GNG12: variants seen among roughly 807,000 people sequenced by gnomAD.
The protein encoded by GNG12 is guanine nucleotide-binding protein G(I)/G(S)/G(O) subunit gamma-12.
For missense variants in GNG12, 69 were observed against 83.8 expected (o/e 0.82, Z 0.69); for synonymous variants, 28 against 29.7 (o/e 0.94, Z 0.19).
intron 2 of GNG12, among the ~76,000 whole-genome samples, chr1:67,749,593 C>T (rs1350360689): frequency 1.3e-5 from 2 of 152,120 alleles, no homozygotes; most frequent in Non-Finnish European, 2.9e-5. Context: ...GATTGCTGCC[C>T]CCAGGAAGCA....
intron 2 of GNG12, among the ~76,000 whole-genome samples, chr1:67,745,465 G>A (rs1005695660): frequency 6.6e-6 from 1 of 152,214 alleles, no homozygotes; most frequent in Admixed American, 6.5e-5. Context: ...GCATTGGGAA[G>A]GAAAGTGCCC....
intron 2 of GNG12, among the ~76,000 whole-genome samples, chr1:67,770,032 T>TA (rs1339213974): frequency 2.6e-5 from 4 of 152,062 alleles, no homozygotes; most frequent in Non-Finnish European, 5.9e-5. Flanking sequence ...TTTAGAGTGT[T>TA]AAAAGAAGGG....
intron 2 of GNG12, among the ~76,000 whole-genome samples, chr1:67,752,247 A>G (rs758864101): frequency 1.3e-5 from 2 of 152,192 alleles, no homozygotes; most frequent in Non-Finnish European, 2.9e-5. Flanking sequence ...TAAGTACCCC[A>G]TATTCATCTT....
At chr1:67,789,124 G>A (rs1342220262) in intron 1 of GNG12, among the ~76,000 whole-genome samples, 1 of 152,142 alleles carries the variant, frequency 6.6e-6, no homozygotes, top group Non-Finnish European at 1.5e-5. Flanking sequence ...AATAAAATAG[G>A]CGACATGGCC....
At chr1:67,737,694 A>G (rs573845722) in intron 2 of GNG12, among the ~76,000 whole-genome samples, 1 of 152,276 alleles carries the variant, frequency 6.6e-6, no homozygotes, top group East Asian at 1.9e-4. Context: ...TTATGAAAAT[A>G]CATAATAACA....
At chr1:67,793,249 A>C (rs767305724) in intron 1 of GNG12, among the ~76,000 whole-genome samples, 50 of 152,206 alleles carry the variant, frequency 3.3e-4, no homozygotes, top group Non-Finnish European at 3.4e-4. Context: ...CTTAGTTCAA[A>C]GATCTGGTCA....
intron 2 of GNG12, among the ~76,000 whole-genome samples, chr1:67,729,235 A>G (rs1646405113): frequency 6.6e-6 from 1 of 152,058 alleles, no homozygotes; most frequent in Non-Finnish European, 1.5e-5. Flanking sequence ...ATCCACCTCC[A>G]AGGGCTTGCA....
At chr1:67,751,578 TG>T (rs1290676449) in intron 2 of GNG12, among the ~76,000 whole-genome samples, 1 of 152,130 alleles carries the variant, frequency 6.6e-6, no homozygotes, top group Non-Finnish European at 1.5e-5. Context: ...TTGCTGTGTT[TG>T]GGGTCTTGAG....
chr1:67,707,762 T>C (rs1646258318), intron 2 of GNG12, 50 bp from the exon 3 acceptor site: 6 of 855,270 alleles, frequency 7.0e-6, no homozygotes, highest in African/African-American at 1.7e-5. Flanking sequence ...TTAAGTTATT[T>C]AAACATTCAT....
chr1:67,725,383 C>T (rs1168210289), intron 2 of GNG12, among the ~76,000 whole-genome samples: 1 of 152,204 alleles, frequency 6.6e-6, no homozygotes, highest in Non-Finnish European at 1.5e-5. Context: ...GGAAACATGT[C>T]TGTCAAACAT....
At chr1:67,736,849 G>A (rs1646455360) in intron 2 of GNG12, among the ~76,000 whole-genome samples, 1 of 152,214 alleles carries the variant, frequency 6.6e-6, no homozygotes, top group African/African-American at 2.4e-5. Context: ...TAAGATGAGA[G>A]GGACCCACCT....
At chr1:67,824,294 G>A (rs1646999300) in intron 1 of GNG12, among the ~76,000 whole-genome samples, 1 of 152,078 alleles carries the variant, frequency 6.6e-6, no homozygotes, top group African/African-American at 2.4e-5. Flanking sequence ...CAGATTGCTT[G>A]AGTCTAGGAG....
chr1:67,781,250 C>T (rs532921572), intron 1 of GNG12, among the ~76,000 whole-genome samples: 1 of 152,304 alleles, frequency 6.6e-6, no homozygotes, highest in African/African-American at 2.4e-5. Flanking sequence ...ACTAGCTTCC[C>T]ATGTGCATGG....
At chr1:67,796,938 C>A (rs1646834626) in intron 1 of GNG12, among the ~76,000 whole-genome samples, 1 of 152,132 alleles carries the variant, frequency 6.6e-6, no homozygotes, top group Non-Finnish European at 1.5e-5. Flanking sequence ...ACTTGGTGAG[C>A]CAGACAGCAA....
At chr1:67,774,836 T>C (rs998048942) in intron 2 of GNG12, among the ~76,000 whole-genome samples, 3 of 152,198 alleles carry the variant, frequency 2.0e-5, no homozygotes, top group African/African-American at 4.8e-5. Context: ...ACCAGGCATT[T>C]TGAAGAGGAA....
intron 1 of GNG12, chr1:67,832,277 G>A (rs1441127026): frequency 4.6e-5 from 7 of 152,134 alleles, no homozygotes; most frequent in Non-Finnish European, 7.3e-5. Context: ...TCTACCTCTG[G>A]TGTTCAGAGA....
intron 2 of GNG12, among the ~76,000 whole-genome samples, chr1:67,750,577 T>C (rs966650809): frequency 3.9e-5 from 6 of 152,178 alleles, no homozygotes; most frequent in African/African-American, 1.4e-4. Context: ...TGCTGAGAAT[T>C]TTACAGATCA....
intron 2 of GNG12, among the ~76,000 whole-genome samples, chr1:67,765,957 CA>C (rs1215055071): frequency 6.6e-6 from 1 of 151,256 alleles, no homozygotes; most frequent in Non-Finnish European, 1.5e-5. Flanking sequence ...AAAATCTGGC[CA>C]AAAAAAAGTC....
intron 2 of GNG12, among the ~76,000 whole-genome samples, chr1:67,709,039 T>A (rs1646266035): frequency 6.6e-6 from 1 of 151,926 alleles, no homozygotes; most frequent in African/African-American, 2.4e-5. Flanking sequence ...AAGGCCGAGT[T>A]CTACGACTTG....
Sources: allele counts gnomAD v4.1 joint callset (sites outside exome capture counted in the v4.1 genomes callset), GRCh38; gene constraint gnomAD v4.1.1; transcripts MANE v1.5; gene names NCBI Gene and HGNC (gene_info 2026-07-23, HGNC 2026-07-21).